Variants in TMEM52 observed in about 807,000 individuals in gnomAD.
TMEM52 encodes transmembrane protein 52.
TMEM52 carries 14 observed loss-of-function variants against 16.2 expected under a neutral mutation model. That is an observed-to-expected ratio of 0.87 (90% CI 0.57 to 1.35). The LOEUF (loss-of-function observed/expected upper bound fraction) is 1.35. Ranked by LOEUF, TMEM52 falls within the 40% of genes most tolerant of loss-of-function variation. The pLI, the probability that TMEM52 is intolerant of heterozygous loss-of-function variation, is 0.00. For synonymous variants in TMEM52, 136 were observed against 124.7 expected (o/e 1.09, Z -0.60); for missense variants, 309 against 278.6 (o/e 1.11, Z -0.78).
intron 3 of TMEM52, 23 bp from the exon 4 acceptor site, chr1:1,918,454 CT>C (rs1406383865): frequency 6.2e-7 from 1 of 1,602,032 alleles, no homozygotes; most frequent in South Asian, 1.1e-5. Context: ...GGCTCTACCA[CT>C]GGACTGACCC....
intron 3 of TMEM52, chr1:1,918,664 GTCC>G (rs1651235304): frequency 1.5e-6 from 1 of 686,172 alleles, no homozygotes; most frequent in Admixed American, 2.6e-5. Flanking sequence ...AGGACTCGCT[GTCC>G]TCAGCGAGTG....
intron 3 of TMEM52, 71 bp from the exon 4 acceptor site, chr1:1,918,502 G>A: frequency 1.5e-6 from 2 of 1,299,390 alleles, no homozygotes; most frequent in Non-Finnish European, 2.2e-6. Flanking sequence ...GGAATGTCGT[G>A]GCACAACCAC....
chr1:1,918,368 G>C lies in TMEM52; in HGVS notation c.234C>G (p.Phe78Leu). The C allele has an allele frequency of 6.2e-7, 1 of 1,612,768 alleles. No homozygotes were observed. Among genetic ancestry groups the C allele is most frequent in the Non-Finnish European group, 8.5e-7 (1 of 1,179,962 alleles). The change falls in exon 4 of 5, where the codon TTC becomes TTG. Residue 78 changes from phenylalanine to leucine, a missense_variant. Phe to Leu is a conservative substitution (Grantham distance 22). Transcript: ENST00000310991. ...CCTGTGCCTGCTTCCGGAGGCAGCAGAACCGGACACAACCAGCTGTGACAC... is the reference window on the plus strand; with the variant it reads ...CCTGTGCCTGCTTCCGGAGGCAGCACAACCGGACACAACCAGCTGTGACAC... Reference protein sequence around the residue: ...LCGVTAGCVRFCCLRKQAQAQ... With the variant: ...LCGVTAGCVRLCCLRKQAQAQ...
At position 1,918,021 on chromosome 1, in the gene TMEM52, G is replaced by C. The variant is rs764038381; in HGVS notation, c.491C>G (p.Ala164Gly). 4.3e-6 allele frequency: 7 copies of C among 1,613,966 alleles called. No homozygotes were observed. The highest frequency in any genetic ancestry group is 5.9e-6 in the Non-Finnish European group (7 of 1,180,010). Residue 164 changes from alanine to glycine, a missense_variant, in exon 5 of 5, where the codon GCC (alanine) becomes GGC (glycine). Ala to Gly is a moderately conservative substitution (Grantham distance 60). Coordinates refer to ENST00000310991, the MANE Select transcript of TMEM52 (RefSeq NM_178545.4). ...TGCTGGTCCTTCCTCTCTGGGCTTG[G>C]CCATCTTGACAGCTTCATCGTAGGA... Reference protein sequence around the residue: ...PPSYDEAVKMAKPREEGPALS... With the variant: ...PPSYDEAVKMGKPREEGPALS...
rs1651260495 is a variant in TMEM52, at chr1:1,919,222, A to T, written c.44T>A (p.Leu15Gln). The change falls in exon 1 of 5, where the codon CTG becomes CAG. Residue 15 changes from leucine to glutamine, a missense_variant. Leu to Gln is a moderately radical substitution (Grantham distance 113). Coordinates refer to ENST00000310991, the MANE Select transcript of TMEM52 (RefSeq NM_178545.4). ...PLAARGLRLL[L>Q]PLLPLLPLLP... ...GAGCGGCAGGAGCGGCAGGAGCGGC[A>T]GCAGCAGCCGCAGTCCGCGGGCGGC... is the stretch of plus-strand genomic sequence containing the variant. The T allele has an allele frequency of 7.6e-7, 1 of 1,313,360 alleles. No homozygotes were observed. Among genetic ancestry groups the T allele is most frequent in the Non-Finnish European group, 9.8e-7 (1 of 1,020,734 alleles). The allele number at this position is 1,313,360 out of a possible 1,614,324, so 81.4% of individuals were successfully genotyped here. A position where few individuals can be genotyped will look rare whatever the true frequency, so the allele number is the denominator to read the frequency against.
intron 3 of TMEM52, 91 bp from the exon 4 acceptor site, chr1:1,918,522 G>C (rs766682549): frequency 9.0e-7 from 1 of 1,113,136 alleles, no homozygotes; most frequent in Admixed American, 2.0e-5. Flanking sequence ...CCGAAGACAG[G>C]TTAACAGGAT....
In TMEM52 at chr1:1,917,606, CTT is replaced by C; in HGVS notation, c.*274_*275del. ...TAGGCAGAGACCACTTAAATACAAACTTTATTCTCTCTCCAAGAAGATGCAGA... is the reference window on the plus strand; with the variant it reads ...TAGGCAGAGACCACTTAAATACAAACTATTCTCTCTCCAAGAAGATGCAGA... On this transcript the variant is annotated 3_prime_UTR_variant, in exon 5 of 5. Transcript: ENST00000310991. 1 of 566,136 alleles carries C rather than the reference CTT, an allele frequency of 1.8e-6. No homozygotes were observed. Among genetic ancestry groups the C allele is most frequent in the Non-Finnish European group, 3.1e-6 (1 of 318,648 alleles). The allele number at this position is 566,136 out of a possible 1,614,324, so 35.1% of individuals were successfully genotyped here.
intron 3 of TMEM52, 114 bp from the exon 4 acceptor site, chr1:1,918,545 A>C: frequency 1.1e-5 from 10 of 949,116 alleles, no homozygotes; most frequent in Non-Finnish European, 1.7e-5. Context: ...AAAGCAGACA[A>C]TGTCTCTCCA....
At chr1:1,918,195 G>T in intron 4 of TMEM52, 33 bp from the exon 5 acceptor site, 1 of 1,608,856 alleles carries the variant, frequency 6.2e-7, no homozygotes, top group Non-Finnish European at 8.5e-7. Flanking sequence ...CGTGGAGGCG[G>T]GCTTGGCATT....
intron 3 of TMEM52, 94 bp from the exon 4 acceptor site, chr1:1,918,525 A>C: frequency 1.8e-6 from 2 of 1,095,692 alleles, no homozygotes; most frequent in South Asian, 1.3e-5. Flanking sequence ...AAGACAGGTT[A>C]ACAGGATAAA....
Position 1,918,588 on chromosome 1 carries a change from C to T in TMEM52, c.171-157G>A, listed in dbSNP as rs751712791. ...GACCGCCGTGGCCAGAGCCTGGCCTCGGGCTGCTGGGCCTGCCCTGGCTAT... is the reference window on the plus strand; with the variant it reads ...GACCGCCGTGGCCAGAGCCTGGCCTTGGGCTGCTGGGCCTGCCCTGGCTAT... On this transcript the variant is annotated intron_variant, in intron 3 of 4. Coordinates refer to ENST00000310991, the MANE Select transcript of TMEM52 (RefSeq NM_178545.4). 1.9e-5 allele frequency: 15 copies of T among 805,322 alleles called. No homozygotes were observed. The South Asian group carries it at 1.9e-4, about 10-fold the overall frequency. The allele number at this position is 805,322 out of a possible 1,614,324, so 49.9% of individuals were successfully genotyped here. A position where few individuals can be genotyped will look rare whatever the true frequency, so the allele number is the denominator to read the frequency against.
Position 1,919,197 on chromosome 1 carries a change from G to T in TMEM52, c.69C>A (p.Leu23=). ...CCCGACCCACCTGCGGCAGCGGCAG[G>T]AGCGGCAGGAGCGGCAGGAGCGGCA... is the stretch of plus-strand genomic sequence containing the variant. The part of the protein sequence containing the change: ...LLLPLLPLLP[L]LPLPQVALGF... The change falls in exon 1 of 5, where the codon CTC becomes CTA. Residue 23 remains leucine, a synonymous_variant. Transcript: ENST00000310991. 2.5e-6 allele frequency: 1 copy of T among 396,030 alleles called. No individual in the cohort carries two copies. The allele number at this position is 396,030 out of a possible 1,614,324, so 24.5% of individuals were successfully genotyped here.
intron 2 of TMEM52, 38 bp from the exon 3 acceptor site, chr1:1,918,972 G>A: frequency 7.4e-7 from 1 of 1,351,178 alleles, no homozygotes. Context: ...GCGGGGCATG[G>A]GACGGCCGAC....
Position 1,919,072 on chromosome 1 carries a change from G to T in TMEM52, c.101C>A (p.Ala34Glu). Residue 34 changes from alanine (A) to glutamate (E), a missense_variant, in exon 2 of 5, where the codon GCG becomes GAG. Physicochemically the swap from Ala to Glu is moderately radical, Grantham distance 107. Coordinates refer to ENST00000310991, the MANE Select transcript of TMEM52 (RefSeq NM_178545.4). Reference protein sequence around the residue: ...LPLPQVALGFADGSCDPSDQC... With the variant: ...LPLPQVALGFEDGSCDPSDQC... ...GTCCGAGGGGTCGCAGCTGCCGTCC[G>T]CGAAGCCCAGCGCCACCTGTGGGGA... is the stretch of plus-strand genomic sequence containing the variant. 1 of 1,339,444 alleles carries T rather than the reference G, an allele frequency of 7.5e-7. No individual in the cohort carries two copies. The highest frequency in any genetic ancestry group is 3.0e-5 in the East Asian group (1 of 32,882). 83.0% of individuals were successfully genotyped at this position (1,339,444 alleles called of 1,614,324 possible). A position where few individuals can be genotyped will look rare whatever the true frequency, so the allele number is the denominator to read the frequency against.
At position 1,917,668 on chromosome 1, in the gene TMEM52, T is replaced by C; in HGVS notation, c.*214A>G. ...TGGCCCTGAGCTCCCACCCGAGGCT[T>C]AGGCCCAAGGGGCCTCTTCCAGGCT... is the stretch of plus-strand genomic sequence containing the variant. On this transcript the variant is annotated 3_prime_UTR_variant, in exon 5 of 5. Coordinates refer to ENST00000310991, the MANE Select transcript of TMEM52 (RefSeq NM_178545.4). 1.6e-6 allele frequency: 1 copy of C among 612,002 alleles called. No homozygotes were observed. Among genetic ancestry groups the C allele is most frequent in the Non-Finnish European group, 2.9e-6 (1 of 348,320 alleles). 37.9% of individuals were successfully genotyped at this position (612,002 alleles called of 1,614,324 possible). A position where few individuals can be genotyped will look rare whatever the true frequency, so the allele number is the denominator to read the frequency against.
intron 3 of TMEM52, 92 bp downstream of exon 3, chr1:1,918,801 G>T: frequency 7.1e-7 from 1 of 1,404,310 alleles, no homozygotes; most frequent in Non-Finnish European, 9.4e-7. Flanking sequence ...CAGCGGAGGC[G>T]GCCTGGTGAG....
Position 1,919,218 on chromosome 1 carries a change from C to T in TMEM52, c.48G>A (p.Pro16=). ...LAARGLRLLL[P]LLPLLPLLPL... ...GCAGGAGCGGCAGGAGCGGCAGGAG[C>T]GGCAGCAGCAGCCGCAGTCCGCGGG... is the stretch of plus-strand genomic sequence containing the variant. Residue 16 remains proline, a synonymous_variant, in exon 1 of 5, where the codon CCG becomes CCA. Coordinates refer to ENST00000310991, the MANE Select transcript of TMEM52 (RefSeq NM_178545.4). The T allele has an allele frequency of 1.5e-6, 2 of 1,364,786 alleles. No individual in the cohort carries two copies. Among genetic ancestry groups the T allele is most frequent in the Non-Finnish European group, 1.9e-6 (2 of 1,066,170 alleles). The allele number at this position is 1,364,786 out of a possible 1,614,324, so 84.5% of individuals were successfully genotyped here. A position where few individuals can be genotyped will look rare whatever the true frequency, so the allele number is the denominator to read the frequency against.
Position 1,918,313 on chromosome 1 carries a change from G to A in TMEM52, c.289C>T (p.Pro97Ser), listed in dbSNP as rs769680411. The change falls in exon 4 of 5, where the codon CCC becomes TCC. Residue 97 changes from proline (P) to serine (S), a missense_variant. Pro to Ser is a moderately conservative substitution (Grantham distance 74, BLOSUM62 -1). Coordinates refer to ENST00000310991, the MANE Select transcript of TMEM52 (RefSeq NM_178545.4). ...AQPHLPPARQ[P>S]CDVAVIPMDS... The stretch of plus-strand genomic sequence containing the variant: ...ATAGGGATGACTGCCACGTCGCAGG[G>A]CTGCCGTGCTGGTGGCAGATGTGGC... The A allele has an allele frequency of 3.7e-6, 6 of 1,612,790 alleles. No individual in the cohort carries two copies. Among genetic ancestry groups the A allele is most frequent in the Non-Finnish European group, 5.1e-6 (6 of 1,179,994 alleles).
In TMEM52 at chr1:1,919,189, AGCGGCAGG is replaced by A. The variant is rs1467598428; in HGVS notation, c.69_76del (p.Leu24AlafsTer82). ...GAACGCCGCCCGACCCACCTGCGGC[AGCGGCAGG>A]AGCGGCAGGAGCGGCAGGAGCGGCA... On this transcript the variant is annotated frameshift_variant, in exon 1 of 5. Coordinates refer to ENST00000310991, the MANE Select transcript of TMEM52 (RefSeq NM_178545.4). LOFTEE classifies it high-confidence loss of function. 1 of 394,234 alleles carries A rather than the reference AGCGGCAGG, an allele frequency of 2.5e-6. No homozygotes were observed. Among genetic ancestry groups the A allele is most frequent in the Non-Finnish European group, 3.8e-6 (1 of 266,390 alleles). 24.4% of individuals were successfully genotyped at this position (394,234 alleles called of 1,614,324 possible).
Sources: allele counts gnomAD v4.1 joint callset, GRCh38; gene constraint gnomAD v4.1.1; transcripts MANE v1.5; gene names NCBI Gene and HGNC (gene_info 2026-07-23, HGNC 2026-07-21).